The following DLGAP2 variants were observed in gnomAD, a reference collection of about 807,000 sequenced individuals.
The protein encoded by DLGAP2 is disks large-associated protein 2.
Under a neutral mutation model 100.3 loss-of-function variants are expected in DLGAP2, and 26 were observed. The ratio of observed to expected loss-of-function variants is 0.26; its 90% CI spans 0.19 to 0.36. DLGAP2 has a LOEUF of 0.36. DLGAP2 is among the 10% of genes least tolerant of loss of function. The probability of loss-of-function intolerance (pLI) is 1.00; values close to 1 mark genes in which losing one functional copy is unlikely to be tolerated. For missense variants in DLGAP2, 1,858 were observed against 1,453.2 expected (o/e 1.28, Z -4.53); for synonymous variants, 886 against 630.1 (o/e 1.41, Z -6.08).
intron 4 of DLGAP2, among the ~76,000 whole-genome samples, chr8:1,522,395 G>A (rs1057229072): frequency 6.6e-6 from 1 of 152,198 alleles, no homozygotes; most frequent in Non-Finnish European, 1.5e-5. Flanking sequence ...CCGGGGCCCA[G>A]GGCATCACAC....
intron 3 of DLGAP2, among the ~76,000 whole-genome samples, chr8:1,292,127 C>A (rs1800072418): frequency 6.6e-6 from 1 of 152,196 alleles, no homozygotes; most frequent in South Asian, 2.1e-4. Flanking sequence ...TTAAAAACAG[C>A]AAAAACCCTG....
At chr8:1,526,675 T>G (rs1800804766) in intron 4 of DLGAP2, among the ~76,000 whole-genome samples, 1 of 152,172 alleles carries the variant, frequency 6.6e-6, no homozygotes, top group South Asian at 2.1e-4. Flanking sequence ...TGGGTTGACT[T>G]TAAGTCCTCT....
chr8:1,181,872 C>G (rs1797396503), intron 2 of DLGAP2, among the ~76,000 whole-genome samples: 1 of 152,178 alleles, frequency 6.6e-6, no homozygotes, highest in African/African-American at 2.4e-5. Context: ...CTGGAGAGGA[C>G]TTTGCCATCG....
Position 747,679 on chromosome 8 carries a change from T to C in DLGAP2, c.18+9854T>C, listed in dbSNP as rs1040309521. Among the ~76,000 whole-genome samples, 6 of 93,984 alleles carry C rather than the reference T, an allele frequency of 6.4e-5. No individual in the cohort carries two copies. The Admixed American group carries it at 7.4e-4, about 12-fold the overall frequency. 61.7% of individuals were successfully genotyped at this position (93,984 alleles called of 152,430 possible). A position where few individuals can be genotyped will look rare whatever the true frequency, so the allele number is the denominator to read the frequency against. On this transcript the variant is annotated intron_variant, in intron 1 of 14. Coordinates refer to ENST00000637795, the MANE Select transcript of DLGAP2 (RefSeq NM_001346810.2). Reference sequence around the variant, plus strand: ...GGGGGCCTTTGTGGTGGGATGAGTGTGCTCCATGGTGGGATGGGCGGGTCT... The same window carrying C: ...GGGGGCCTTTGTGGTGGGATGAGTGCGCTCCATGGTGGGATGGGCGGGTCT...
intron 5 of DLGAP2, among the ~76,000 whole-genome samples, chr8:1,564,722 G>A (rs754228777): frequency 3.0e-4 from 46 of 152,224 alleles, no homozygotes; most frequent in Admixed American, 6.5e-5. Flanking sequence ...ATTCATGGTT[G>A]CTCAAGTCTG....
intron 3 of DLGAP2, among the ~76,000 whole-genome samples, chr8:1,444,929 G>A (rs992339484): frequency 6.6e-6 from 1 of 151,460 alleles, no homozygotes; most frequent in Non-Finnish European, 1.5e-5. Context: ...TGTGCCCCAT[G>A]CCCAGCTAAT....
intron 2 of DLGAP2, among the ~76,000 whole-genome samples, chr8:945,946 G>T (rs1362041127): frequency 2.0e-5 from 3 of 152,150 alleles, no homozygotes; most frequent in African/African-American, 7.2e-5. Flanking sequence ...TAACGAGACT[G>T]ATCTTCTCCT....
chr8:1,565,257 A>G (rs1802350288), intron 5 of DLGAP2, among the ~76,000 whole-genome samples: 1 of 152,136 alleles, frequency 6.6e-6, no homozygotes, highest in Non-Finnish European at 1.5e-5. Context: ...TTTGCTTGCA[A>G]TTAAGATATA....
In DLGAP2 at chr8:791,299, C is replaced by A. The variant is rs560709526; in HGVS notation, c.18+53474C>A. Among the ~76,000 whole-genome samples, 7 of 152,278 alleles carry A rather than the reference C, an allele frequency of 4.6e-5. No individual in the cohort carries two copies. In the South Asian group the frequency reaches 1.5e-3, roughly 32 times the overall value. On this transcript the variant is annotated intron_variant, in intron 1 of 14. Transcript: ENST00000637795. ...CCCATTTCTGGGAATTGTGTCACTG[C>A]CAGTGGCTCCCTCCACAGAGAAGCC...
intron 2 of DLGAP2, among the ~76,000 whole-genome samples, chr8:1,167,563 T>C (rs1460217805): frequency 6.6e-6 from 1 of 152,224 alleles, no homozygotes; most frequent in Non-Finnish European, 1.5e-5. Flanking sequence ...TTTCCTTTAA[T>C]CAGATGATCA....
intron 2 of DLGAP2, among the ~76,000 whole-genome samples, chr8:1,185,349 G>A (rs1244418885): frequency 2.0e-5 from 3 of 152,096 alleles, no homozygotes; most frequent in African/African-American, 7.2e-5. Flanking sequence ...CGTCATCCTG[G>A]AATCAGGTGT....
intron 8 of DLGAP2, among the ~76,000 whole-genome samples, chr8:1,650,398 GTC>G (rs1477128529): frequency 1.3e-5 from 2 of 152,210 alleles, no homozygotes; most frequent in African/African-American, 4.8e-5. Context: ...CAAAATTGCT[GTC>G]TCTTCTAAAT....
At chr8:1,333,778 T>G (rs1302293404) in intron 3 of DLGAP2, among the ~76,000 whole-genome samples, 1 of 152,206 alleles carries the variant, frequency 6.6e-6, no homozygotes, top group African/African-American at 2.4e-5. Context: ...GAACTTTCTT[T>G]AGAGGAGGTA....
At chr8:858,536 A>C (rs997358907) in intron 1 of DLGAP2, among the ~76,000 whole-genome samples, 1 of 148,448 alleles carries the variant, frequency 6.7e-6, no homozygotes, top group South Asian at 2.1e-4. Flanking sequence ...GGCACGTGTA[A>C]TGCTGTCACC....
intron 5 of DLGAP2, among the ~76,000 whole-genome samples, chr8:1,551,648 C>T (rs1245065459): frequency 6.6e-6 from 1 of 152,172 alleles, no homozygotes; most frequent in East Asian, 1.9e-4. Flanking sequence ...CACCGTCAGC[C>T]CCTTTCAAAA....
chr8:1,356,727 A>T (rs1406347889), intron 3 of DLGAP2, among the ~76,000 whole-genome samples: 2 of 152,238 alleles, frequency 1.3e-5, no homozygotes, highest in African/African-American at 2.4e-5. Flanking sequence ...GTAAAGGGTA[A>T]CAGGCAAGGC....
At chr8:847,254 A>G (rs1376127907) in intron 1 of DLGAP2, among the ~76,000 whole-genome samples, 2 of 152,134 alleles carry the variant, frequency 1.3e-5, no homozygotes, top group Non-Finnish European at 2.9e-5. Context: ...TAGTTTTCAG[A>G]TATACTGGCC....
rs1336083127 is a variant in DLGAP2, at chr8:1,511,392, C to T, written c.172+9961C>T. On this transcript the variant is annotated intron_variant, in intron 4 of 14. Coordinates refer to ENST00000637795, the MANE Select transcript of DLGAP2 (RefSeq NM_001346810.2). Reference sequence around the variant, plus strand: ...TGTAGGACAATCAGTAGATGACCATCTTCCATGGTCGTAAGGGCTGTCTAG... The same window carrying T: ...TGTAGGACAATCAGTAGATGACCATTTTCCATGGTCGTAAGGGCTGTCTAG... Among the ~76,000 whole-genome samples, 4 of 144,866 alleles carry T rather than the reference C, an allele frequency of 2.8e-5. No homozygotes were observed. In the East Asian group the frequency reaches 8.2e-4, roughly 30 times the overall value.
intron 2 of DLGAP2, among the ~76,000 whole-genome samples, chr8:1,197,748 G>A (rs1015534443): frequency 6.6e-6 from 1 of 152,000 alleles, no homozygotes; most frequent in Non-Finnish European, 1.5e-5. Context: ...CCTGAGCCAC[G>A]CCAATGTTGA....
Sources: gnomAD v4.1 joint callset for allele counts (sites outside exome capture counted in the v4.1 genomes callset) on GRCh38, gnomAD v4.1.1 for gene constraint, MANE v1.5 for transcripts, NCBI Gene and HGNC (gene_info 2026-07-23, HGNC 2026-07-21) for gene names.